RFX3: variants seen among roughly 807,000 people sequenced by gnomAD.
RFX3 encodes the protein transcription factor RFX3.
Under a neutral mutation model 98.6 loss-of-function variants are expected in RFX3, and 14 were observed. The ratio of observed to expected loss-of-function variants is 0.14; its 90% CI spans 0.09 to 0.22. The LOEUF is 0.22. RFX3 is among the 10% of genes least tolerant of loss of function. RFX3 has a pLI of 1.00. For synonymous variants in RFX3, 383 were observed against 328.4 expected, an observed-to-expected ratio of 1.17 and a Z score of -1.80; for missense variants, 639 against 926.9, an observed-to-expected ratio of 0.69 and a Z score of 4.03.
At chr9:3,447,249 C>T (rs1315018014) in intron 1 of RFX3, among the ~76,000 whole-genome samples, 1 of 152,000 alleles carries the variant, frequency 6.6e-6, no homozygotes, top group Non-Finnish European at 1.5e-5. Flanking sequence ...AACTGAAGTG[C>T]TCTATAAAGT....
intron 1 of RFX3, among the ~76,000 whole-genome samples, chr9:3,510,873 T>C (rs1452643575): frequency 6.6e-6 from 1 of 152,048 alleles, no homozygotes; most frequent in Non-Finnish European, 1.5e-5. Context: ...AAAAATCTAA[T>C]AGGCAGAATT....
intron 1 of RFX3, among the ~76,000 whole-genome samples, chr9:3,397,937 A>C (rs3758196): frequency 0.12 from 17,718 of 152,166 alleles, 1,294 homozygotes; most frequent in African/African-American, 0.2. Flanking sequence ...AGAAGTGGCT[A>C]GGGGTTTACA....
chr9:3,375,550 CA>C (rs1838364389), intron 2 of RFX3, among the ~76,000 whole-genome samples: 1 of 152,204 alleles, frequency 6.6e-6, no homozygotes, highest in Non-Finnish European at 1.5e-5. Flanking sequence ...AACATGACCT[CA>C]CTTATGTTAC....
intron 1 of RFX3, among the ~76,000 whole-genome samples, chr9:3,460,025 A>C (rs1484397731): frequency 6.6e-6 from 1 of 152,028 alleles, no homozygotes; most frequent in Non-Finnish European, 1.5e-5. Flanking sequence ...GAGAAAAAAA[A>C]ACTTTATTAT....
chr9:3,349,592 C>T (rs752870588), intron 2 of RFX3, among the ~76,000 whole-genome samples: 1 of 152,052 alleles, frequency 6.6e-6, no homozygotes. Context: ...CCCACACCCC[C>T]AACAGGTAAC....
intron 1 of RFX3, among the ~76,000 whole-genome samples, chr9:3,421,658 G>C (rs1843450915): frequency 6.6e-6 from 1 of 152,148 alleles, no homozygotes; most frequent in Non-Finnish European, 1.5e-5. Flanking sequence ...GTATTACTCT[G>C]TTTACAGATG....
chr9:3,488,446 T>C (rs755976553), intron 1 of RFX3, among the ~76,000 whole-genome samples: 1 of 152,174 alleles, frequency 6.6e-6, no homozygotes, highest in Non-Finnish European at 1.5e-5. Context: ...TCTTCAATCA[T>C]GAAAACTCAG....
At chr9:3,292,504 T>A (rs207470071) in intron 6 of RFX3, among the ~76,000 whole-genome samples, 1 of 152,150 alleles carries the variant, frequency 6.6e-6, no homozygotes, top group African/African-American at 2.4e-5. Flanking sequence ...AGAGGTAAAA[T>A]AGAGCTATCT....
chr9:3,389,025 G>C (rs1025895605), intron 2 of RFX3, among the ~76,000 whole-genome samples: 1 of 152,092 alleles, frequency 6.6e-6, no homozygotes, highest in East Asian at 1.9e-4. Flanking sequence ...AAAAATCTTA[G>C]AGCCATGGTC....
chr9:3,504,852 TA>T (rs1262047732), intron 1 of RFX3, among the ~76,000 whole-genome samples: 510 of 30,456 alleles, frequency 0.017, 8 homozygotes, highest in Middle Eastern at 0.036. Context: ...ATATATATTA[TA>T]TATGATATAA....
chr9:3,364,976 T>C (rs1049087434), intron 2 of RFX3, among the ~76,000 whole-genome samples: 2 of 152,172 alleles, frequency 1.3e-5, no homozygotes, highest in African/African-American at 4.8e-5. Flanking sequence ...AAATTAATTC[T>C]TTTAAGTAAT....
intron 15 of RFX3, among the ~76,000 whole-genome samples, chr9:3,238,800 C>T (rs528400618): frequency 2.0e-5 from 3 of 152,092 alleles, no homozygotes; most frequent in South Asian, 4.2e-4. Context: ...CCAGCCTGAC[C>T]GACATGGAGA....
At chr9:3,510,989 G>C (rs928239425) in intron 1 of RFX3, among the ~76,000 whole-genome samples, 4 of 151,852 alleles carry the variant, frequency 2.6e-5, no homozygotes, top group Admixed American at 6.6e-5. Context: ...GTATCACTTT[G>C]GTTATTTTGT....
intron 2 of RFX3, among the ~76,000 whole-genome samples, chr9:3,394,099 T>G (rs1024300642): frequency 1.3e-5 from 2 of 152,104 alleles, no homozygotes; most frequent in Non-Finnish European, 2.9e-5. Context: ...ACTGGTAGCT[T>G]GAGGGATGGG....
intron 3 of RFX3, among the ~76,000 whole-genome samples, chr9:3,342,715 A>AAT (rs1834027492): frequency 6.6e-6 from 1 of 152,266 alleles, no homozygotes; most frequent in Non-Finnish European, 1.5e-5. Context: ...CATTGAAATG[A>AAT]ACTCTCTCTA....
intron 1 of RFX3, chr9:3,420,974 A>G: frequency 1.1e-6 from 1 of 938,468 alleles, no homozygotes; most frequent in Non-Finnish European, 1.3e-6. Context: ...CCTAAGGAGT[A>G]ATGAAATCTG....
intron 14 of RFX3, among the ~76,000 whole-genome samples, chr9:3,252,526 G>C (rs962669079): frequency 6.6e-6 from 1 of 152,144 alleles, no homozygotes; most frequent in Admixed American, 6.5e-5. Flanking sequence ...AGTCTTCCTG[G>C]CAGAAAGGAG....
At chr9:3,376,591 A>C (rs1838524969) in intron 2 of RFX3, among the ~76,000 whole-genome samples, 1 of 152,190 alleles carries the variant, frequency 6.6e-6, no homozygotes, top group African/African-American at 2.4e-5. Flanking sequence ...AAATTGACAA[A>C]TGGGATCTAA....
At chr9:3,349,322 A>G (rs952819476) in intron 2 of RFX3, among the ~76,000 whole-genome samples, 1 of 152,076 alleles carries the variant, frequency 6.6e-6, no homozygotes, top group Non-Finnish European at 1.5e-5. Context: ...TTCTGCCCTT[A>G]AGATATATGC....
Sources: allele counts gnomAD v4.1 joint callset (sites outside exome capture counted in the v4.1 genomes callset), GRCh38; gene constraint gnomAD v4.1.1; transcripts MANE v1.5; gene names NCBI Gene and HGNC (gene_info 2026-07-23, HGNC 2026-07-21).